The following MAGI1 variants were observed in gnomAD, a reference collection of about 807,000 sequenced individuals.
MAGI1 encodes membrane associated guanylate kinase, WW and PDZ domain containing 1, also known as membrane-associated guanylate kinase, WW and PDZ domain-containing protein 1.
MAGI1 carries 58 observed loss-of-function variants against 139.9 expected under a neutral mutation model. The observed-to-expected ratio is 0.41, with a 90% CI of 0.34 to 0.52. The LOEUF (loss-of-function observed/expected upper bound fraction) is 0.52. MAGI1 is among the 20% of genes least tolerant of loss of function. The probability of loss-of-function intolerance (pLI) is 0.12; values close to 1 mark genes in which losing one functional copy is unlikely to be tolerated. For synonymous variants in MAGI1, 812 were observed against 737.9 expected (o/e 1.10, Z -1.63); for missense variants, 1,874 against 1,901.6 (o/e 0.99, Z 0.27).
intron 1 of MAGI1, among the ~76,000 whole-genome samples, chr3:65,733,266 G>A (rs566376744): frequency 2.0e-5 from 3 of 152,086 alleles, no homozygotes; most frequent in Non-Finnish European, 4.4e-5. Flanking sequence ...CACCATGTTA[G>A]CCAGGCTAGT....
intron 1 of MAGI1, among the ~76,000 whole-genome samples, chr3:65,774,812 G>A (rs77201719): frequency 0.03 from 4,504 of 152,276 alleles, 87 homozygotes; most frequent in Middle Eastern, 0.044. Context: ...CTAACAAGGG[G>A]TTCTAAGATA....
At chr3:65,528,206 T>G (rs191769782) in intron 2 of MAGI1, among the ~76,000 whole-genome samples, 2 of 152,342 alleles carry the variant, frequency 1.3e-5, no homozygotes, top group African/African-American at 4.8e-5. Flanking sequence ...AAGCACTTTA[T>G]TTTTACCTCG....
intron 1 of MAGI1, among the ~76,000 whole-genome samples, chr3:65,939,802 G>A (rs2063225123): frequency 6.6e-6 from 1 of 152,158 alleles, no homozygotes; most frequent in Non-Finnish European, 1.5e-5. Flanking sequence ...GGTTTGGGGA[G>A]CAAAGCTGAC....
chr3:65,596,474 T>C (rs1252424495), intron 2 of MAGI1, among the ~76,000 whole-genome samples: 1 of 152,144 alleles, frequency 6.6e-6, no homozygotes, highest in Non-Finnish European at 1.5e-5. Context: ...TGACAGGGTG[T>C]TGAGCATGGT....
intron 1 of MAGI1, among the ~76,000 whole-genome samples, chr3:65,980,503 C>A (rs1193443597): frequency 2.0e-5 from 3 of 149,180 alleles, no homozygotes. Flanking sequence ...GTGAAGGTTG[C>A]AGCGAGCCAA....
intron 1 of MAGI1, among the ~76,000 whole-genome samples, chr3:65,732,756 T>C (rs949691474): frequency 2.6e-5 from 4 of 152,226 alleles, no homozygotes; most frequent in African/African-American, 9.6e-5. Context: ...TCTTCCCTCA[T>C]TCCCCAAGTC....
chr3:65,749,091 C>T (rs2035931886), intron 1 of MAGI1, among the ~76,000 whole-genome samples: 2 of 152,144 alleles, frequency 1.3e-5, no homozygotes. Flanking sequence ...GAACACAGCA[C>T]AGCCATCCAA....
intron 1 of MAGI1, among the ~76,000 whole-genome samples, chr3:66,028,684 G>A (rs1477391387): frequency 6.6e-6 from 1 of 152,032 alleles, no homozygotes; most frequent in Non-Finnish European, 1.5e-5. Context: ...TGCGACCTGC[G>A]AACAATCATT....
chr3:65,962,916 T>G (rs1326559456), intron 1 of MAGI1, among the ~76,000 whole-genome samples: 1 of 140,626 alleles, frequency 7.1e-6, no homozygotes, highest in Non-Finnish European at 1.5e-5. Flanking sequence ...AGCAGAGAAA[T>G]TAGGTTTTAC....
chr3:65,962,149 GTCTC>G lies in MAGI1; in HGVS notation c.313+75843_313+75846del, dbSNP rs1165896587. On this transcript the variant is annotated intron_variant, in intron 1 of 22. Transcript: ENST00000402939. ...TTTTTTTTTTTTTTTTTTTGACGGAGTCTCTCTCTGTCGCCCAGGCTGGAGTGCA... is the reference window on the plus strand; with the variant it reads ...TTTTTTTTTTTTTTTTTTTGACGGAGTCTCTGTCGCCCAGGCTGGAGTGCA... 2.8e-5 allele frequency among the ~76,000 whole-genome samples: 4 copies of G among 142,180 alleles called. No individual in the cohort carries two copies. In the East Asian group the frequency reaches 8.2e-4, roughly 29 times the overall value. 93.3% of individuals were successfully genotyped at this position (142,180 alleles called of 152,430 possible). A position where few individuals can be genotyped will look rare whatever the true frequency, so the allele number is the denominator to read the frequency against.
At position 65,786,981 on chromosome 3, in the gene MAGI1, T is replaced by C. The variant is rs73832954; in HGVS notation, c.314-164893A>G. ...TGTTACCTTTTGTATTCCTACTTAATGTTTTTCCATCAATGCACCTCTTAC... is the reference window on the plus strand; with the variant it reads ...TGTTACCTTTTGTATTCCTACTTAACGTTTTTCCATCAATGCACCTCTTAC... On this transcript the variant is annotated intron_variant, in intron 1 of 22. Coordinates refer to ENST00000402939, the MANE Select transcript of MAGI1 (RefSeq NM_001033057.2). Among the ~76,000 whole-genome samples the C allele has an allele frequency of 2.3e-3, 355 of 152,308 alleles. 3 individuals are homozygous for C. Among genetic ancestry groups the C allele is most frequent in the African/African-American group, 8.3e-3 (345 of 41,554 alleles).
chr3:66,026,005 T>TA (rs982896332), intron 1 of MAGI1, among the ~76,000 whole-genome samples: 39 of 151,756 alleles, frequency 2.6e-4, no homozygotes, highest in Non-Finnish European at 3.4e-4. Context: ...AATAAAATGT[T>TA]AAAAAAACAC....
At chr3:65,360,881 G>T in intron 22 of MAGI1, 1 of 1,231,168 alleles carries the variant, frequency 8.1e-7, no homozygotes. Context: ...CTAACAATTG[G>T]ATCTGAGGAA....
intron 2 of MAGI1, among the ~76,000 whole-genome samples, chr3:65,612,600 G>C (rs2083180396): frequency 6.6e-6 from 1 of 152,090 alleles, no homozygotes; most frequent in African/African-American, 2.4e-5. Context: ...ATTTTGGGCA[G>C]CTCATTCCCC....
At position 65,566,447 on chromosome 3, in the gene MAGI1, T is replaced by TC. The variant is rs2080650980; in HGVS notation, c.430+55524dup. Among the ~76,000 whole-genome samples the TC allele has an allele frequency of 2.0e-5, 3 of 151,746 alleles. No individual in the cohort carries two copies. In the South Asian group the frequency reaches 6.2e-4, roughly 32 times the overall value. On this transcript the variant is annotated intron_variant, in intron 2 of 22. Coordinates refer to ENST00000402939, the MANE Select transcript of MAGI1 (RefSeq NM_001033057.2). ...CTGTTTTGCTCACCTTTTTTTTTTTTCCATAGTTAACACAAATGATCTCTG... is the reference window on the plus strand; with the variant it reads ...CTGTTTTGCTCACCTTTTTTTTTTTTCCCATAGTTAACACAAATGATCTCTG...
At chr3:65,485,200 C>A (rs977246947) in intron 3 of MAGI1, among the ~76,000 whole-genome samples, 1 of 152,212 alleles carries the variant, frequency 6.6e-6, no homozygotes, top group Non-Finnish European at 1.5e-5. Flanking sequence ...CACTTTGCTA[C>A]TTGCTTGCTC....
chr3:65,458,001 G>T (rs1949516139), intron 5 of MAGI1, among the ~76,000 whole-genome samples: 1 of 151,842 alleles, frequency 6.6e-6, no homozygotes, highest in African/African-American at 2.4e-5. Flanking sequence ...ACCTCCATGG[G>T]TTCAATTGCT....
intron 2 of MAGI1, among the ~76,000 whole-genome samples, chr3:65,595,776 G>T (rs1416970476): frequency 1.5e-5 from 2 of 132,156 alleles, no homozygotes; most frequent in Non-Finnish European, 3.1e-5. Context: ...ACATGGGGAA[G>T]CAAATGGGTA....
chr3:65,902,435 AC>A (rs1359724305), intron 1 of MAGI1, among the ~76,000 whole-genome samples: 1 of 152,212 alleles, frequency 6.6e-6, no homozygotes, highest in Non-Finnish European at 1.5e-5. Flanking sequence ...CTAGACACGG[AC>A]TTGAGAACTT....
Sources: allele counts gnomAD v4.1 joint callset (sites outside exome capture counted in the v4.1 genomes callset), GRCh38; gene constraint gnomAD v4.1.1; transcripts MANE v1.5; gene names NCBI Gene and HGNC (gene_info 2026-07-23, HGNC 2026-07-21).